Variants in CELF2 observed in about 807,000 individuals in gnomAD.
CELF2 encodes CUG triplet repeat RNA-binding protein 2.
A neutral mutation model predicts 62.6 loss-of-function variants in CELF2; 8 were observed. That is an observed-to-expected ratio of 0.13 (90% CI 0.07 to 0.23). The LOEUF is 0.23. CELF2 is among the 10% of genes least tolerant of loss of function. The pLI is 1.00. For missense variants in CELF2, 333 were observed against 671.0 expected (o/e 0.50, Z 5.56); for synonymous variants, 258 against 250.0 (o/e 1.03, Z -0.30).
At chr10:10,801,712 G>C (rs780015146) in intron 1 of CELF2, among the ~76,000 whole-genome samples, 1 of 152,182 alleles carries the variant, frequency 6.6e-6, no homozygotes, top group Admixed American at 6.5e-5. Flanking sequence ...TTAAACCCAC[G>C]TAACCTGGAA....
chr10:11,119,820 A>G (rs1163542989), intron 1 of CELF2, among the ~76,000 whole-genome samples: 1 of 151,214 alleles, frequency 6.6e-6, no homozygotes, highest in Non-Finnish European at 1.5e-5. Context: ...TCTGGATTCA[A>G]ATCCTAAGGG....
At chr10:10,987,184 G>A (rs1046313890) in intron 2 of CELF2, among the ~76,000 whole-genome samples, 1 of 151,904 alleles carries the variant, frequency 6.6e-6, no homozygotes, top group Non-Finnish European at 1.5e-5. Flanking sequence ...AACTCCAACA[G>A]CAAAAGGATT....
the CELF2 span, among the ~76,000 whole-genome samples, chr10:10,556,472 G>C: frequency 1.3e-5 from 2 of 152,120 alleles, no homozygotes; most frequent in Non-Finnish European, 2.9e-5. Flanking sequence ...TTGCTATTGT[G>C]AATAATGCCG....
At chr10:11,015,059 A>G (rs549343719), upstream of CELF2, among the ~76,000 whole-genome samples, 9 of 152,272 alleles carry the variant, frequency 5.9e-5, no homozygotes, top group South Asian at 1.9e-3. The surrounding 1 kb of genome is among the most constrained non-coding windows in gnomAD (Gnocchi z 4.8). Context: ...AAGATCCTTG[A>G]CTATAAAATA....
chr10:11,192,036 T>C (rs920807895), intron 2 of CELF2, among the ~76,000 whole-genome samples: 1 of 152,206 alleles, frequency 6.6e-6, no homozygotes, highest in African/African-American at 2.4e-5. Flanking sequence ...TGTCACCTGC[T>C]CTTCTCCATG....
chr10:10,719,269 T>G, the CELF2 span, among the ~76,000 whole-genome samples: 3 of 152,084 alleles, frequency 2.0e-5, no homozygotes, highest in Admixed American at 6.6e-5. Context: ...ATTATTATAC[T>G]TTTTAATGAT....
At position 10,942,813 on chromosome 10, in the gene CELF2, C is replaced by G. The variant is rs1224069041; in HGVS notation, c.89+22814C>G. Among the ~76,000 whole-genome samples the G allele has an allele frequency of 7.9e-5, 12 of 152,210 alleles. No individual in the cohort carries two copies. In the East Asian group the frequency reaches 2.1e-3, roughly 27 times the overall value. On this transcript the variant is annotated intron_variant, in intron 2 of 13. Coordinates refer to the CELF2 transcript ENST00000636488. The stretch of plus-strand genomic sequence containing the variant: ...TAAATGCTAAGTTTTAGGACAAATT[C>G]TTAATTATTTGTGGTGATGTGGATT...
chr10:11,145,331 G>T lies in CELF2; in HGVS notation c.75-20155G>T, dbSNP rs998906821. Among the ~76,000 whole-genome samples the T allele has an allele frequency of 3.3e-5, 5 of 152,222 alleles. No individual in the cohort carries two copies. Among genetic ancestry groups the T allele is most frequent in the Non-Finnish European group, 5.9e-5 (4 of 68,040 alleles). On this transcript the variant is annotated intron_variant, in intron 1 of 12. Coordinates refer to ENST00000633077, the MANE Select transcript of CELF2 (RefSeq NM_001326342.2). The surrounding 1 kb of genome is among the most constrained non-coding windows in gnomAD (Gnocchi z 4.3). The stretch of plus-strand genomic sequence containing the variant: ...TGTTGAAAGAGCTGGCTGAGCTTCA[G>T]ATGGGTTTGCAGGAGTGTCAGGATT...
rs1198243061 is a variant in CELF2, at chr10:11,247,244, C to T, written c.355-1909C>T. 6.6e-6 allele frequency among the ~76,000 whole-genome samples: 1 copy of T among 152,244 alleles called. No homozygotes were observed. Among genetic ancestry groups the T allele is most frequent in the Non-Finnish European group, 1.5e-5 (1 of 68,038 alleles). ...GACAAAATTTCAGTTCCTTAGCTTG[C>T]AAGACCCTCTGAGAGCTGGGTGTTG... On this transcript the variant is annotated intron_variant, in intron 3 of 12. Transcript: ENST00000633077. The surrounding 1 kb of genome is among the most constrained non-coding windows in gnomAD (Gnocchi z 5.4).
At chr10:10,642,708 A>G in the CELF2 span, among the ~76,000 whole-genome samples, 1 of 152,278 alleles carries the variant, frequency 6.6e-6, no homozygotes, top group East Asian at 1.9e-4. Flanking sequence ...TCCCCTAAAA[A>G]TAGCAAAAGG....
intron 2 of CELF2, among the ~76,000 whole-genome samples, chr10:10,949,709 G>A (rs976692214): frequency 6.6e-6 from 1 of 151,374 alleles, no homozygotes; most frequent in Non-Finnish European, 1.5e-5. Flanking sequence ...GCTGAGGCAT[G>A]AGAACCACCT....
In CELF2 at chr10:10,946,818, G is replaced by A. The variant is rs758893569; in HGVS notation, c.89+26819G>A. 5 of 152,302 alleles carry A rather than the reference G, an allele frequency of 3.3e-5. No individual in the cohort carries two copies. In the East Asian group the frequency reaches 7.7e-4, roughly 23 times the overall value. The allele number at this position is 152,302 out of a possible 1,614,324, so 9.4% of individuals were successfully genotyped here. A position where few individuals can be genotyped will look rare whatever the true frequency, so the allele number is the denominator to read the frequency against. On this transcript the variant is annotated intron_variant, in intron 2 of 13. Coordinates refer to the CELF2 transcript ENST00000636488. ...CATACAACTAGGACCTCATGTGCTT[G>A]GCATTGCCACCCATGCAGATTTGCT...
chr10:10,674,257 A>G, the CELF2 span, among the ~76,000 whole-genome samples: 9 of 152,262 alleles, frequency 5.9e-5, no homozygotes, highest in South Asian at 8.3e-4. Context: ...AATTGATCCC[A>G]TTTTTATTAG....
intron 2 of CELF2, among the ~76,000 whole-genome samples, chr10:10,978,215 T>G (rs2136316145): frequency 6.6e-6 from 1 of 152,304 alleles, no homozygotes; most frequent in Non-Finnish European, 1.5e-5. Flanking sequence ...ACACTGGTTT[T>G]ATGCCATTGT....
the CELF2 span, among the ~76,000 whole-genome samples, chr10:10,487,042 T>C: frequency 6.6e-6 from 1 of 152,182 alleles, no homozygotes; most frequent in Non-Finnish European, 1.5e-5. Context: ...GCATAGAGAA[T>C]GTAGAAGCAT....
the CELF2 span, among the ~76,000 whole-genome samples, chr10:10,636,562 G>T: frequency 6.6e-6 from 1 of 152,104 alleles, no homozygotes; most frequent in African/African-American, 2.4e-5. Flanking sequence ...AAAATACTAT[G>T]GAAATACATG....
the CELF2 span, among the ~76,000 whole-genome samples, chr10:10,783,192 A>C: frequency 6.6e-6 from 1 of 152,198 alleles, no homozygotes; most frequent in Non-Finnish European, 1.5e-5. Context: ...TTGAAGTCCT[A>C]ATTCACAGTA....
At chr10:10,912,615 G>A (rs2063915531) in intron 1 of CELF2, among the ~76,000 whole-genome samples, 1 of 152,162 alleles carries the variant, frequency 6.6e-6, no homozygotes, top group Non-Finnish European at 1.5e-5. Context: ...TGATCTGCTT[G>A]CCTCGGCCTC....
At chr10:11,176,218 T>A (rs921126921) in intron 2 of CELF2, among the ~76,000 whole-genome samples, 1 of 152,154 alleles carries the variant, frequency 6.6e-6, no homozygotes, top group African/African-American at 2.4e-5. Context: ...CCCCTCCCTA[T>A]AGGGAGTTTA....
Sources: allele counts gnomAD v4.1 joint callset (sites outside exome capture counted in the v4.1 genomes callset), GRCh38; gene constraint gnomAD v4.1.1; non-coding constraint Gnocchi (gnomAD v3.1); transcripts MANE v1.5; gene names NCBI Gene and HGNC (gene_info 2026-07-23, HGNC 2026-07-21).